SERPINA9: variants seen among roughly 807,000 people sequenced by gnomAD.
SERPINA9 encodes serpin family A member 9, also known as serpin A9.
In SERPINA9, 32 loss-of-function variants were observed where a neutral mutation model predicts 24.5. The observed-to-expected ratio is 1.30, with a 90% CI of 0.98 to 1.75. The LOEUF (loss-of-function observed/expected upper bound fraction) is 1.75, where lower values mean the gene tolerates loss of function less well. Among genes scored for constraint, SERPINA9 ranks in the 40% most tolerant of loss-of-function variants. SERPINA9 has a pLI of 0.00. For synonymous variants in SERPINA9, 233 were observed against 197.7 expected, an observed-to-expected ratio of 1.18 and a Z score of -1.50; for missense variants, 594 against 497.1, an observed-to-expected ratio of 1.19 and a Z score of -1.85.
chr14:94,469,307 A>T lies in SERPINA9; in HGVS notation c.534T>A (p.His178Gln), dbSNP rs758826150. 1 of 1,614,142 alleles carries T rather than the reference A, an allele frequency of 6.2e-7. No homozygotes were observed. The highest frequency in any genetic ancestry group is 8.5e-7 in the Non-Finnish European group (1 of 1,180,054). ...PSIAQARINS[H>Q]VKKKTQGKVV... is the part of the protein sequence containing the mutation. The stretch of plus-strand genomic sequence containing the variant: ...CCTTCCCTTGGGTCTTCTTTTTCAC[A>T]TGGCTGTTGATCCTCGCCTGGGCAA... The change falls in exon 2 of 5, where the codon CAT (histidine) becomes CAA (glutamine). Residue 178 changes from histidine to glutamine, a missense_variant. By Grantham distance (24) the His-to-Gln change is conservative. Transcript: ENST00000674397.
intron 3 of SERPINA9, among the ~76,000 whole-genome samples, chr14:94,466,707 A>G (rs1380453227): frequency 6.6e-6 from 1 of 152,022 alleles, no homozygotes; most frequent in Admixed American, 6.5e-5. Context: ...CTTTTCACCA[A>G]CCTTTGGATT....
intron 1 of SERPINA9, among the ~76,000 whole-genome samples, chr14:94,474,149 G>A (rs888001372): frequency 2.0e-5 from 3 of 152,228 alleles, no homozygotes; most frequent in African/African-American, 4.8e-5. Flanking sequence ...GCTGCCAGGC[G>A]CCAGGATGCC....
chr14:94,470,733 T>C (rs1277007226), intron 1 of SERPINA9, among the ~76,000 whole-genome samples: 4 of 152,356 alleles, frequency 2.6e-5, no homozygotes, highest in African/African-American at 4.8e-5. Flanking sequence ...GAGCGCTGAA[T>C]ACATTACTTT....
chr14:94,464,482 G>A (rs1898898023), intron 4 of SERPINA9: 2 of 562,384 alleles, frequency 3.6e-6, no homozygotes, highest in Non-Finnish European at 3.1e-6. Context: ...GGGAGCACCT[G>A]ACTGCTGAGG....
rs1420929304 is a variant in SERPINA9 at position 94,469,444 on chromosome 14, C to A, written c.397G>T (p.Gly133Ter). The change falls in exon 2 of 5, where the codon GGA becomes TGA. Residue 133 changes from glycine to a stop codon, truncating the protein, a stop_gained. Coordinates refer to ENST00000674397, the MANE Select transcript of SERPINA9 (RefSeq NM_175739.4). LOFTEE classifies it high-confidence loss of function. ...TCCTTCTTGACGAAGAGGGCACTTC[C>A]CATCTTCAAGGTCAGGTCTTTGCTG... Reference protein sequence around the residue: ...VPSKDLTLKMGSALFVKKELQ... With the variant: ...VPSKDLTLKM 3.1e-6 allele frequency: 5 copies of A among 1,614,188 alleles called. No homozygotes were observed. The highest frequency in any genetic ancestry group is 4.2e-6 in the Non-Finnish European group (5 of 1,180,040).
Position 94,463,021 on chromosome 14 carries a change from C to G in SERPINA9, c.*72G>C. 2 of 1,334,374 alleles carry G rather than the reference C, an allele frequency of 1.5e-6. No individual in the cohort carries two copies. Among genetic ancestry groups the G allele is most frequent in the Non-Finnish European group, 2.2e-6 (2 of 927,570 alleles). The allele number at this position is 1,334,374 out of a possible 1,614,324, so 82.7% of individuals were successfully genotyped here. ...ACTGGGGTCAAATGCACCCTCAGAA[C>G]AGAAAGAGGGATGTGGTTTGTTATT... On this transcript the variant is annotated 3_prime_UTR_variant, in exon 5 of 5. Coordinates refer to ENST00000674397, the MANE Select transcript of SERPINA9 (RefSeq NM_175739.4).
chr14:94,463,637 T>C (rs1898847661), intron 4 of SERPINA9, among the ~76,000 whole-genome samples: 1 of 152,186 alleles, frequency 6.6e-6, no homozygotes, highest in East Asian at 1.9e-4. Flanking sequence ...GTAAGGTTAT[T>C]GTGTAAATTA....
intron 1 of SERPINA9, among the ~76,000 whole-genome samples, chr14:94,474,961 T>G (rs769993231): frequency 6.6e-6 from 1 of 152,118 alleles, no homozygotes; most frequent in Non-Finnish European, 1.5e-5. Context: ...GCCCCTGACA[T>G]TCAAGAGCTT....
rs1238003276 is a variant in SERPINA9 at position 94,469,379 on chromosome 14, C to T, written c.462G>A (p.Arg154=). The change falls in exon 2 of 5, where the codon AGG becomes AGA. Residue 154 remains arginine, a synonymous_variant. Coordinates refer to ENST00000674397, the MANE Select transcript of SERPINA9 (RefSeq NM_175739.4). ...TAGAAAAGACTTCTGCTTCATACAG[C>T]CTCTTGACATTGCCCAAGAAATTTG... ...LQANFLGNVK[R]LYEAEVFSTD... 3 of 1,614,054 alleles carry T rather than the reference C, an allele frequency of 1.9e-6. No homozygotes were observed. Among genetic ancestry groups the T allele is most frequent in the Non-Finnish European group, 2.5e-6 (3 of 1,180,036 alleles).
At position 94,462,999 on chromosome 14, in the gene SERPINA9, G is replaced by A. The variant is rs190741288; in HGVS notation, c.*94C>T. On this transcript the variant is annotated 3_prime_UTR_variant, in exon 5 of 5. Transcript: ENST00000674397. ...CCCTGCCAGCGAATCCAGCTCCACT[G>A]GGGTCAAATGCACCCTCAGAACAGA... 6 of 1,105,446 alleles carry A rather than the reference G, an allele frequency of 5.4e-6. No individual in the cohort carries two copies. In the South Asian group the frequency reaches 8.0e-5, roughly 15 times the overall value. The allele number at this position is 1,105,446 out of a possible 1,614,324, so 68.5% of individuals were successfully genotyped here.
At chr14:94,471,450 A>AAT (rs1899314600) in intron 1 of SERPINA9, among the ~76,000 whole-genome samples, 3 of 152,238 alleles carry the variant, frequency 2.0e-5, no homozygotes. Context: ...GTGGAAATGA[A>AAT]ATATGTAAAT....
At chr14:94,471,460 T>C (rs959757668) in intron 1 of SERPINA9, among the ~76,000 whole-genome samples, 24 of 152,174 alleles carry the variant, frequency 1.6e-4, no homozygotes, top group African/African-American at 5.3e-4. Context: ...AATATGTAAA[T>C]GAATCACATT....
chr14:94,468,565 T>C (rs1002314493), intron 2 of SERPINA9, among the ~76,000 whole-genome samples: 5 of 152,330 alleles, frequency 3.3e-5, no homozygotes, highest in African/African-American at 9.6e-5. Context: ...ATGGTAAATC[T>C]TTTAGAGACA....
chr14:94,467,127 C>T lies in SERPINA9; in HGVS notation c.884G>A (p.Ser295Asn), dbSNP rs752814721. ...TGCCCACCTTTTCTGGAGTGAGTGG[C>T]TCCACTTTCTCAGTGTTCTGGCTGA... ...ALSARTLRKW[S>N]HSLQKRWIEV... The change falls in exon 3 of 5, where the codon AGC (serine) becomes AAC (asparagine). Residue 295 changes from serine (S) to asparagine (N), a missense_variant. Physicochemically the swap from Ser to Asn is conservative, Grantham distance 46. Transcript: ENST00000674397. The T allele has an allele frequency of 5.6e-6, 9 of 1,613,966 alleles. No homozygotes were observed. The highest frequency in any genetic ancestry group is 6.8e-6 in the Non-Finnish European group (8 of 1,179,924).
intron 1 of SERPINA9, among the ~76,000 whole-genome samples, chr14:94,475,228 A>C (rs1217640949): frequency 6.6e-6 from 1 of 152,130 alleles, no homozygotes; most frequent in Non-Finnish European, 1.5e-5. Context: ...GGGGTTCTGC[A>C]AGGCAGCCTC....
rs1346592749 is a variant in SERPINA9, at chr14:94,469,246, C to T, written c.595G>A (p.Ala199Thr). 2.5e-6 allele frequency: 4 copies of T among 1,613,824 alleles called. No individual in the cohort carries two copies. Among genetic ancestry groups the T allele is most frequent in the South Asian group, 2.2e-5 (2 of 91,050 alleles). Residue 199 changes from alanine (A) to threonine (T), a missense_variant, in exon 2 of 5, where the codon GCC becomes ACC. Ala to Thr is a moderately conservative substitution (Grantham distance 58, BLOSUM62 0). Coordinates refer to ENST00000674397, the MANE Select transcript of SERPINA9 (RefSeq NM_175739.4). Reference protein sequence around the residue: ...DIIQGLDLLTAMVLVNHIFFK... With the variant: ...DIIQGLDLLTTMVLVNHIFFK... ...AAAATGTGGTTCACCAGAACCATGG[C>T]CGTCAGAAGGTCAAGGCCTTGGATT...
Position 94,475,234 on chromosome 14 carries a change from G to A in SERPINA9, c.-18+902C>T, listed in dbSNP as rs191453020. On this transcript the variant is annotated intron_variant, in intron 1 of 4. Transcript: ENST00000674397. ...GCTGGAAGAGGGGTTCTGCAAGGCAGCCTCGTCCACTGTGGGTTCCCAACC... is the reference window on the plus strand; with the variant it reads ...GCTGGAAGAGGGGTTCTGCAAGGCAACCTCGTCCACTGTGGGTTCCCAACC... 1.8e-3 allele frequency among the ~76,000 whole-genome samples: 271 copies of A among 152,280 alleles called. 1 individual carries two copies. The highest frequency in any genetic ancestry group is 6.2e-3 in the African/African-American group (259 of 41,534).
At chr14:94,475,635 G>A (rs1899575346) in intron 1 of SERPINA9, among the ~76,000 whole-genome samples, 1 of 152,012 alleles carries the variant, frequency 6.6e-6, no homozygotes, top group South Asian at 2.1e-4. Flanking sequence ...GCCCTCCTTT[G>A]AGGTCCAGTC....
intron 1 of SERPINA9, among the ~76,000 whole-genome samples, chr14:94,472,207 A>G (rs7158418): frequency 2.0e-3 from 309 of 152,220 alleles, no homozygotes; most frequent in African/African-American, 7.0e-3. Context: ...GTCAACACCA[A>G]TAGCAACAGC....
Sources: allele counts gnomAD v4.1 joint callset (sites outside exome capture counted in the v4.1 genomes callset), GRCh38; gene constraint gnomAD v4.1.1; transcripts MANE v1.5; gene names NCBI Gene and HGNC (gene_info 2026-07-23, HGNC 2026-07-21).